The following SPAG16 variants were observed in gnomAD, a reference collection of about 807,000 sequenced individuals.
SPAG16 encodes the protein sperm associated antigen 16.
A neutral mutation model predicts 80.4 loss-of-function variants in SPAG16; 86 were observed. The ratio of observed to expected loss-of-function variants is 1.07; its 90% CI spans 0.90 to 1.28. The LOEUF (loss-of-function observed/expected upper bound fraction) is 1.28, where lower values mean the gene tolerates loss of function less well. SPAG16 is among the 50% of genes most tolerant of loss of function. SPAG16 has a pLI of 0.00. For missense variants in SPAG16, 870 were observed against 765.3 expected (o/e 1.14, Z -1.61); for synonymous variants, 294 against 265.9 (o/e 1.11, Z -1.03).
intron 15 of SPAG16, among the ~76,000 whole-genome samples, chr2:214,376,722 C>A (rs896465481): frequency 6.6e-6 from 1 of 152,108 alleles, no homozygotes; most frequent in Non-Finnish European, 1.5e-5. Context: ...AACGACTTGT[C>A]TGTTTGACCT....
chr2:213,377,965 G>A (rs1041976145), intron 9 of SPAG16, among the ~76,000 whole-genome samples: 1 of 150,526 alleles, frequency 6.6e-6, no homozygotes, highest in Non-Finnish European at 1.5e-5. Context: ...AGTTTATTAA[G>A]TATTAACTCA....
At chr2:213,359,564 C>T (rs1006018075) in intron 7 of SPAG16, among the ~76,000 whole-genome samples, 3 of 152,178 alleles carry the variant, frequency 2.0e-5, no homozygotes, top group Admixed American at 1.3e-4. Flanking sequence ...GCTCTGTGGG[C>T]GTCGGACCTG....
At chr2:214,042,013 C>CACACACAG (rs2049055385) in intron 13 of SPAG16, among the ~76,000 whole-genome samples, 1 of 133,890 alleles carries the variant, frequency 7.5e-6, no homozygotes, top group East Asian at 2.1e-4. Context: ...TATATACACA[C>CACACACAG]ACACACAAAT....
intron 9 of SPAG16, among the ~76,000 whole-genome samples, chr2:213,465,729 C>G (rs1025652057): frequency 6.6e-6 from 1 of 152,168 alleles, no homozygotes; most frequent in Non-Finnish European, 1.5e-5. Flanking sequence ...GCTAAGCTAC[C>G]GCTGCAACTG....
chr2:213,638,427 T>C (rs2062454647), intron 10 of SPAG16, among the ~76,000 whole-genome samples: 1 of 152,108 alleles, frequency 6.6e-6, no homozygotes, highest in African/African-American at 2.4e-5. Flanking sequence ...TTCCCAGAGG[T>C]TGTGTCATGT....
intron 9 of SPAG16, among the ~76,000 whole-genome samples, chr2:213,386,133 T>C (rs1405433134): frequency 6.6e-6 from 1 of 152,186 alleles, no homozygotes; most frequent in Non-Finnish European, 1.5e-5. Context: ...AGTTCAGAAT[T>C]GTGGCCTTGT....
intron 10 of SPAG16, among the ~76,000 whole-genome samples, chr2:213,855,920 A>G (rs1314283554): frequency 2.0e-5 from 3 of 147,690 alleles, no homozygotes; most frequent in Non-Finnish European, 4.5e-5. Context: ...GTCCCTCCCA[A>G]ATCTCATAAC....
At chr2:214,172,357 G>C (rs1406215911) in intron 15 of SPAG16, among the ~76,000 whole-genome samples, 3 of 151,736 alleles carry the variant, frequency 2.0e-5, no homozygotes, top group African/African-American at 7.3e-5. Flanking sequence ...TTGGTTTTTT[G>C]TCCTTGTGAT....
At chr2:214,057,348 A>C (rs561791914) in intron 13 of SPAG16, among the ~76,000 whole-genome samples, 1 of 152,112 alleles carries the variant, frequency 6.6e-6, no homozygotes, top group Non-Finnish European at 1.5e-5. Context: ...AAACAACACT[A>C]ATCTCCAATA....
intron 12 of SPAG16, among the ~76,000 whole-genome samples, chr2:213,949,447 A>T (rs1433516673): frequency 6.6e-6 from 1 of 152,152 alleles, no homozygotes; most frequent in South Asian, 2.1e-4. Flanking sequence ...GATTACAGGC[A>T]TGAGCCACCG....
At position 213,879,385 on chromosome 2, in the gene SPAG16, G is replaced by GT. The variant is rs781654840; in HGVS notation, c.1214+16757_1214+16758insT. ...CCTCCTTGGTTAAATATATCCATGGGGGTGTGTGTGTGTATATACATATAC... is the reference window on the plus strand; with the variant it reads ...CCTCCTTGGTTAAATATATCCATGGGTGGTGTGTGTGTGTATATACATATAC... On this transcript the variant is annotated intron_variant, in intron 11 of 15. Coordinates refer to ENST00000331683, the MANE Select transcript of SPAG16 (RefSeq NM_024532.5). Among the ~76,000 whole-genome samples the GT allele has an allele frequency of 6.1e-3, 909 of 150,242 alleles. 3 individuals carry two copies. Among genetic ancestry groups the GT allele is most frequent in the Non-Finnish European group, 0.01 (696 of 67,404 alleles).
At chr2:214,034,825 C>G (rs1256036957) in intron 13 of SPAG16, among the ~76,000 whole-genome samples, 2 of 152,218 alleles carry the variant, frequency 1.3e-5, no homozygotes, top group Admixed American at 6.5e-5. Context: ...TGCAGATCTT[C>G]TCTCCTTCTT....
chr2:213,512,980 G>T (rs1575798817), intron 10 of SPAG16, among the ~76,000 whole-genome samples: 1 of 151,930 alleles, frequency 6.6e-6, no homozygotes, highest in Non-Finnish European at 1.5e-5. Context: ...GTTCTTTAGG[G>T]CCCTCAGAGT....
chr2:213,645,596 C>T (rs567962810), intron 10 of SPAG16, among the ~76,000 whole-genome samples: 50 of 152,124 alleles, frequency 3.3e-4, no homozygotes, highest in Non-Finnish European at 5.9e-4. Flanking sequence ...GTTGCCCTAT[C>T]CTATTGTGTC....
chr2:213,723,753 A>G (rs2066629540), intron 10 of SPAG16, among the ~76,000 whole-genome samples: 1 of 152,234 alleles, frequency 6.6e-6, no homozygotes, highest in Non-Finnish European at 1.5e-5. Context: ...TATAGGGCTT[A>G]TATAACCATT....
chr2:213,861,336 A>G (rs2105946238), intron 10 of SPAG16, among the ~76,000 whole-genome samples: 1 of 152,320 alleles, frequency 6.6e-6, no homozygotes, highest in East Asian at 1.9e-4. Context: ...GCTCTCATAT[A>G]AGCCTGGAGT....
At chr2:213,501,451 T>C (rs1291156031) in intron 10 of SPAG16, among the ~76,000 whole-genome samples, 1 of 152,188 alleles carries the variant, frequency 6.6e-6, no homozygotes, top group Non-Finnish European at 1.5e-5. Flanking sequence ...GAAAAAAATA[T>C]ACGTCTATGT....
At chr2:214,095,896 T>C (rs10198920) in intron 13 of SPAG16, among the ~76,000 whole-genome samples, 14,204 of 151,824 alleles carry the variant, frequency 0.094, 825 homozygotes, top group East Asian at 0.28. Context: ...CTTGGAAAAA[T>C]GACTGTTTCT....
At chr2:214,104,709 C>T (rs2053285097) in intron 13 of SPAG16, among the ~76,000 whole-genome samples, 1 of 152,098 alleles carries the variant, frequency 6.6e-6, no homozygotes. Context: ...AGTAGTAAAT[C>T]AACAAGTCTT....
Sources: gnomAD v4.1 joint callset for allele counts (sites outside exome capture counted in the v4.1 genomes callset) on GRCh38, gnomAD v4.1.1 for gene constraint, MANE v1.5 for transcripts, NCBI Gene and HGNC (gene_info 2026-07-23, HGNC 2026-07-21) for gene names.